EFTUD2: variants seen among roughly 807,000 people sequenced by gnomAD.
The protein encoded by EFTUD2 is elongation factor Tu GTP binding domain containing 2.
EFTUD2 carries 9 observed loss-of-function variants against 114.3 expected under a neutral mutation model. That is an observed-to-expected ratio of 0.08 (90% CI 0.05 to 0.14). EFTUD2 has a LOEUF of 0.14. EFTUD2 is among the 10% of genes least tolerant of loss of function. EFTUD2 has a pLI of 1.00. For synonymous variants in EFTUD2, 449 were observed against 462.3 expected, an observed-to-expected ratio of 0.97 and a Z score of 0.37; for missense variants, 765 against 1,241.2, an observed-to-expected ratio of 0.62 and a Z score of 5.76.
chr17:44,881,228 G>C (rs1454909485), intron 7 of EFTUD2, among the ~76,000 whole-genome samples: 1 of 152,184 alleles, frequency 6.6e-6, no homozygotes, highest in Non-Finnish European at 1.5e-5. Flanking sequence ...AGAGATTAGA[G>C]AGAAAGATCC....
chr17:44,885,071 G>A (rs1426957585), intron 4 of EFTUD2, among the ~76,000 whole-genome samples, 185 bp downstream of exon 4: 1 of 152,280 alleles, frequency 6.6e-6, no homozygotes, highest in East Asian at 1.9e-4. Context: ...ACATTTGGAT[G>A]AACACCAAGA....
At chr17:44,879,750 T>G in intron 8 of EFTUD2, 112 bp from the exon 9 acceptor site, 1 of 1,011,084 alleles carries the variant, frequency 9.9e-7, no homozygotes, top group Non-Finnish European at 1.5e-6. Flanking sequence ...AATATCCCCT[T>G]TCCTCCTCGC....
intron 13 of EFTUD2, among the ~76,000 whole-genome samples, chr17:44,865,658 CCACA>C (rs933337073): frequency 6.6e-6 from 1 of 152,128 alleles, no homozygotes; most frequent in African/African-American, 2.4e-5. Context: ...ACCGGAATGG[CCACA>C]CACATTTTGT....
chr17:44,863,577 TC>T (rs2050694820), intron 15 of EFTUD2, 77 bp downstream of exon 15: 2 of 1,551,790 alleles, frequency 1.3e-6, no homozygotes, highest in Admixed American at 3.7e-5. Context: ...TGGGCATTAC[TC>T]CTGTGACCAG....
At chr17:44,856,380 A>T (rs932452083) in intron 20 of EFTUD2, among the ~76,000 whole-genome samples, 1 of 151,818 alleles carries the variant, frequency 6.6e-6, no homozygotes, top group Non-Finnish European at 1.5e-5. Flanking sequence ...AATACAAAAA[A>T]TTAGCCAGGT....
chr17:44,892,562 T>A (rs2051297879), intron 2 of EFTUD2, among the ~76,000 whole-genome samples: 1 of 149,242 alleles, frequency 6.7e-6, no homozygotes, highest in Non-Finnish European at 1.5e-5. Context: ...AACCTTTCTA[T>A]CAACATGGTT....
intron 1 of EFTUD2, among the ~76,000 whole-genome samples, chr17:44,895,135 AG>A: frequency 6.6e-6 from 1 of 152,296 alleles, no homozygotes; most frequent in Admixed American, 6.5e-5. Flanking sequence ...AAAAGTCAAA[AG>A]AAAAATATTT....
rs369380680 is a variant in EFTUD2, at chr17:44,886,733, G to A, written c.123C>T (p.Asp41=). 1.4e-5 allele frequency: 22 copies of A among 1,613,628 alleles called. No individual in the cohort carries two copies. Among genetic ancestry groups the A allele is most frequent in the African/African-American group, 1.3e-4 (10 of 75,028 alleles). ...KDLDEMDDDD[D]DDDVGDHDDD... ...CGTCATGATCTCCTACGTCATCGTC[G>A]TCGTCATCATCATCCATCTGAAAGC... The change falls in exon 3 of 28, where the codon GAC becomes GAT. Residue 41 remains aspartate, a synonymous_variant. Transcript: ENST00000426333.
At chr17:44,878,338 A>G (rs1322941749) in intron 9 of EFTUD2, among the ~76,000 whole-genome samples, 1 of 152,264 alleles carries the variant, frequency 6.6e-6, no homozygotes, top group Non-Finnish European at 1.5e-5. Flanking sequence ...ATTCTACAAA[A>G]TAAGTGCCCT....
intron 20 of EFTUD2, among the ~76,000 whole-genome samples, chr17:44,856,758 C>CAAAAAAAAA (rs551023404): frequency 1.6e-5 from 2 of 124,818 alleles, no homozygotes; most frequent in Non-Finnish European, 1.7e-5. Context: ...CAGCCTGTGT[C>CAAAAAAAAA]AAAAAAAAAA....
chr17:44,878,127 C>T (rs1275991442), intron 9 of EFTUD2, among the ~76,000 whole-genome samples: 2 of 152,188 alleles, frequency 1.3e-5, no homozygotes, highest in Non-Finnish European at 2.9e-5. Context: ...CAGAGCAAGA[C>T]TCCATCTCAA....
At chr17:44,862,680 A>G (rs371562015) in intron 16 of EFTUD2, 33 bp downstream of exon 16, 6 of 1,592,468 alleles carry the variant, frequency 3.8e-6, no homozygotes, top group East Asian at 4.5e-5. Context: ...GATAGACACC[A>G]AGGCATACTC....
intron 6 of EFTUD2, among the ~76,000 whole-genome samples, chr17:44,882,597 A>T (rs1340818149): frequency 6.6e-6 from 1 of 152,194 alleles, no homozygotes; most frequent in African/African-American, 2.4e-5. Context: ...GCTGAGAGAT[A>T]ATTTATATCA....
chr17:44,866,265 C>T (rs2050744610), intron 13 of EFTUD2, among the ~76,000 whole-genome samples: 1 of 152,154 alleles, frequency 6.6e-6, no homozygotes, highest in African/African-American at 2.4e-5. Context: ...TTTTCTGAGA[C>T]AGGGTCTCAC....
At chr17:44,865,907 G>T (rs996189025) in intron 13 of EFTUD2, among the ~76,000 whole-genome samples, 9 of 151,960 alleles carry the variant, frequency 5.9e-5, no homozygotes, top group Non-Finnish European at 1.0e-4. Flanking sequence ...CACCTCCTGG[G>T]CTCAAGTGAT....
At position 44,862,784 on chromosome 17, in the gene EFTUD2, C is replaced by T. The variant is rs769116339; in HGVS notation, c.1536G>A (p.Glu512=). ...HAGQPVKVLG[E]NYTLEDEEDS... ...CTTCCTCATCCTCCAGGGTGTAGTT[C>T]TCCCCCAGTACCTTCACAGGCTGCC... Residue 512 remains glutamate (E), a synonymous_variant, in exon 16 of 28, where the codon GAG becomes GAA. Coordinates refer to ENST00000426333, the MANE Select transcript of EFTUD2 (RefSeq NM_004247.4). 1.9e-6 allele frequency: 3 copies of T among 1,614,136 alleles called. No homozygotes were observed. The highest frequency in any genetic ancestry group is 3.3e-5 in the Admixed American group (2 of 60,010).
In EFTUD2 at chr17:44,854,774, T is replaced by G. The variant is rs2050516959; in HGVS notation, c.2133-92A>C. The G allele has an allele frequency of 6.3e-7, 1 of 1,579,250 alleles. No individual in the cohort carries two copies. The highest frequency in any genetic ancestry group is 1.3e-5 in the African/African-American group (1 of 74,294). ...CCCTCCCTTCCTGGAAGACAGTCAC[T>G]TCATCCTACCCACTGTGCCCAGAAC... On this transcript the variant is annotated intron_variant, in intron 21 of 27. Coordinates refer to ENST00000426333, the MANE Select transcript of EFTUD2 (RefSeq NM_004247.4). The surrounding 1 kb of genome is among the most constrained non-coding windows in gnomAD (Gnocchi z 4.3).
chr17:44,869,184 G>A (rs1471290477), intron 11 of EFTUD2, among the ~76,000 whole-genome samples: 3 of 152,130 alleles, frequency 2.0e-5, no homozygotes, highest in Non-Finnish European at 4.4e-5. Context: ...TCCCTACTCT[G>A]TTAATTACCA....
At chr17:44,877,631 C>T (rs1232629737) in intron 9 of EFTUD2, among the ~76,000 whole-genome samples, 1 of 150,438 alleles carries the variant, frequency 6.6e-6, no homozygotes, top group Non-Finnish European at 1.5e-5. Flanking sequence ...CATGGTGAAA[C>T]CCCATTTCTA....
Sources: allele counts gnomAD v4.1 joint callset (sites outside exome capture counted in the v4.1 genomes callset), GRCh38; gene constraint gnomAD v4.1.1; non-coding constraint Gnocchi (gnomAD v3.1); transcripts MANE v1.5; gene names NCBI Gene and HGNC (gene_info 2026-07-23, HGNC 2026-07-21).